The following TAF1 variants were observed in gnomAD, a reference collection of about 807,000 sequenced individuals.
The protein encoded by TAF1 is transcription initiation factor TFIID subunit 1.
TAF1 carries 2 observed loss-of-function variants against 138.5 expected under a neutral mutation model. The ratio of observed to expected loss-of-function variants is 0.01; its 90% CI spans 0.01 to 0.05. TAF1 has a LOEUF of 0.05. TAF1 is among the 10% of genes least tolerant of loss of function. The probability of loss-of-function intolerance (pLI) is 1.00; values close to 1 mark genes in which losing one functional copy is unlikely to be tolerated. For missense variants in TAF1, 709 were observed against 1,478.0 expected, an observed-to-expected ratio of 0.48 and a Z score of 8.53; for synonymous variants, 437 against 503.2, an observed-to-expected ratio of 0.87 and a Z score of 1.76.
chrX:71,397,056 G>A (rs1236540989), intron 22 of TAF1, among the ~76,000 whole-genome samples, 197 bp from the exon 23 acceptor site: 3 of 108,888 alleles, frequency 2.8e-5, no homozygotes, highest in East Asian at 5.7e-4. Flanking sequence ...AAAAAAAGTG[G>A]GGAAATTGGC....
intron 4 of TAF1, among the ~76,000 whole-genome samples, chrX:71,376,407 C>T (rs1366080233): frequency 9.0e-6 from 1 of 111,091 alleles, no homozygotes; most frequent in Admixed American, 9.6e-5. Flanking sequence ...TGGTGGCTCA[C>T]ACCTGTAATC....
At chrX:71,455,805 A>AT (rs1489093580) in intron 34 of TAF1, among the ~76,000 whole-genome samples, 2 of 111,878 alleles carry the variant, frequency 1.8e-5, no homozygotes. Flanking sequence ...CCACAGGAAA[A>AT]TTTTTTTTCA....
intron 34 of TAF1, among the ~76,000 whole-genome samples, chrX:71,457,056 G>A: frequency 8.9e-6 from 1 of 111,799 alleles, no homozygotes; most frequent in South Asian, 3.7e-4. Flanking sequence ...TGTTGACTTT[G>A]CAGTTTTCTG....
chrX:71,462,849 A>T (rs895841871), intron 37 of TAF1, among the ~76,000 whole-genome samples: 2 of 111,755 alleles, frequency 1.8e-5, no homozygotes, highest in African/African-American at 6.5e-5. Context: ...ATCCACATCT[A>T]GGAAATTATT....
intron 26 of TAF1, 96 bp from the exon 27 acceptor site, chrX:71,407,478 A>G: frequency 2.5e-6 from 2 of 813,764 alleles, no homozygotes; most frequent in Admixed American, 2.5e-5. Context: ...TCAGCCTCCC[A>G]AAGTGCTGGG....
intron 13 of TAF1, among the ~76,000 whole-genome samples, chrX:71,525,935 G>C (rs945950484): frequency 9.1e-6 from 1 of 109,822 alleles, no homozygotes; most frequent in Non-Finnish European, 1.9e-5. Flanking sequence ...AAAGTGCTAG[G>C]ATTACAGGTG....
At chrX:71,397,183 T>C in intron 22 of TAF1, 70 bp from the exon 23 acceptor site, 1 of 1,099,120 alleles carries the variant, frequency 9.1e-7, no homozygotes, top group Non-Finnish European at 1.2e-6. Flanking sequence ...ATAGCTCCAC[T>C]CAATCCCAAG....
intron 3 of TAF1, among the ~76,000 whole-genome samples, chrX:71,368,435 C>T (rs190588416): frequency 9.0e-6 from 1 of 111,647 alleles, no homozygotes; most frequent in East Asian, 2.8e-4. Context: ...GCTTTCTTGT[C>T]ACCTGGTATT....
In TAF1 at chrX:71,424,290, T is replaced by A. The variant is rs2036490186; in HGVS notation, c.4753+52T>A. 2.8e-6 allele frequency: 3 copies of A among 1,076,221 alleles called. No individual in the cohort carries two copies. In the African/African-American group the frequency reaches 5.6e-5, roughly 20 times the overall value. 88.7% of individuals were successfully genotyped at this position (1,076,221 alleles called of 1,213,427 possible). A position where few individuals can be genotyped will look rare whatever the true frequency, so the allele number is the denominator to read the frequency against. On this transcript the variant is annotated intron_variant, in intron 32 of 37. Transcript: ENST00000423759. Reference sequence around the variant, plus strand: ...CATGAATCCGTCCATCTTCTATCCATCTAACATTACTTAGCATTATTAAAA... The same window carrying A: ...CATGAATCCGTCCATCTTCTATCCAACTAACATTACTTAGCATTATTAAAA...
intron 13 of TAF1, chrX:71,491,616 A>G (rs940645498): frequency 3.6e-5 from 4 of 110,148 alleles, no homozygotes; most frequent in Non-Finnish European, 7.6e-5. Context: ...GGCAAAGAGA[A>G]TCACTCCCAT....
chrX:71,436,779 C>G (rs2037168490), intron 32 of TAF1, among the ~76,000 whole-genome samples: 1 of 112,070 alleles, frequency 8.9e-6, no homozygotes, highest in South Asian at 3.7e-4. Context: ...ATCACAAAGG[C>G]TTTAAAATTT....
At chrX:71,459,381 A>G (rs28382208) in intron 35 of TAF1, 171 bp from the exon 36 acceptor site, 38,843 of 1,012,685 alleles carry the variant, frequency 0.038, 667 homozygotes, top group Non-Finnish European at 0.046. Flanking sequence ...TCTGACTTTA[A>G]TCCTTGGGAC....
chrX:71,463,965 G>C lies in TAF1; in HGVS notation c.5541G>C (p.Gln1847His). 8.3e-7 allele frequency: 1 copy of C among 1,205,290 alleles called. No homozygotes were observed. The highest frequency in any genetic ancestry group is 1.7e-5 in the African/African-American group (1 of 57,790). ...GCTCTGGGCCGAGCGTACTAAGCCA[G>C]GTCCACCTGTCAGAGGACGAGGAGG... The part of the protein sequence containing the change: ...EQRSGPSVLS[Q>H]VHLSEDEEDS... The change falls in exon 38 of 38, where the codon CAG becomes CAC. Residue 1847 changes from glutamine (Q) to histidine (H), a missense_variant. This residue lies in a region of TAF1 where 123 missense variants were observed against 174.7 expected (regional missense o/e 0.70). Coordinates refer to ENST00000423759, the MANE Select transcript of TAF1 (RefSeq NM_004606.5).
chrX:71,474,774 G>A (rs2038951439), intron 13 of TAF1, among the ~76,000 whole-genome samples: 1 of 111,945 alleles, frequency 8.9e-6, no homozygotes, highest in Non-Finnish European at 1.9e-5. Context: ...CTTTAGATAG[G>A]TAGACAGAGA....
Position 71,388,662 on chromosome X carries a change from C to T in TAF1, c.2570-76C>T, listed in dbSNP as rs749715003. 3.3e-5 allele frequency: 39 copies of T among 1,181,649 alleles called. No individual in the cohort carries two copies. In the East Asian group the frequency reaches 1.1e-3, roughly 33 times the overall value. On this transcript the variant is annotated intron_variant, in intron 16 of 37. Transcript: ENST00000423759. ...GCCTGTTACAGTTTTGGTTTGCTGT[C>T]CCTGTTGCTGTCAATAAATATCAGG...
At chrX:71,422,270 G>GAA (rs2036385907) in intron 29 of TAF1, among the ~76,000 whole-genome samples, 4 of 109,768 alleles carry the variant, frequency 3.6e-5, no homozygotes, top group Admixed American at 9.8e-5. Flanking sequence ...AGAATAGAAT[G>GAA]TAGAGTACCT....
At chrX:71,466,461 T>A (rs888776037), downstream of TAF1, 7 of 111,648 alleles carry the variant, frequency 6.3e-5, no homozygotes, top group African/African-American at 2.3e-4. Flanking sequence ...CACTGCAACA[T>A]CCGCCTCCCG....
intron 32 of TAF1, among the ~76,000 whole-genome samples, chrX:71,438,137 G>A (rs1239686567): frequency 9.0e-6 from 1 of 110,843 alleles, no homozygotes. Flanking sequence ...ATGCCCAGCC[G>A]TCATTTTAAC....
Position 71,392,673 on chromosome X carries a change from A to G in TAF1, c.2886A>G (p.Glu962=), listed in dbSNP as rs373563716. The G allele has an allele frequency of 5.0e-6, 6 of 1,206,256 alleles. No homozygotes were observed. The African/African-American group carries it at 1.1e-4, about 21-fold the overall frequency. ...TGVADPTGCG[E]GFSYVKIPNK... ...TGGCAGATCCCACGGGGTGTGGTGA[A>G]GGATTCTCCTATGTGAAGATTCCAA... The change falls in exon 19 of 38, where the codon GAA becomes GAG. Residue 962 remains glutamate (E), a synonymous_variant. Coordinates refer to ENST00000423759, the MANE Select transcript of TAF1 (RefSeq NM_004606.5).
Sources: allele counts gnomAD v4.1 joint callset (sites outside exome capture counted in the v4.1 genomes callset), GRCh38; gene constraint gnomAD v4.1.1; regional missense constraint gnomAD v4.1.1; transcripts MANE v1.5; gene names NCBI Gene and HGNC (gene_info 2026-07-23, HGNC 2026-07-21).